ICE1: variants seen among roughly 807,000 people sequenced by gnomAD.
The protein encoded by ICE1 is interactor of little elongation complex ELL subunit 1.
In ICE1, 64 loss-of-function variants were observed where a neutral mutation model predicts 192.7. That is an observed-to-expected ratio of 0.33 (90% CI 0.27 to 0.41). ICE1 has a LOEUF of 0.41. Ranked by LOEUF, ICE1 falls within the 10% of genes least tolerant of loss-of-function variation. The probability of loss-of-function intolerance (pLI) is 1.00; values close to 1 mark genes in which losing one functional copy is unlikely to be tolerated. For synonymous variants in ICE1, 1,010 were observed against 984.5 expected (o/e 1.03, Z -0.49); for missense variants, 2,708 against 2,696.0 (o/e 1.00, Z -0.10).
At chr5:5,428,954 C>G (rs1737613163) in intron 1 of ICE1, among the ~76,000 whole-genome samples, 1 of 152,138 alleles carries the variant, frequency 6.6e-6, no homozygotes, top group Non-Finnish European at 1.5e-5. Flanking sequence ...GTTCAGTACT[C>G]ATAGGACTTA....
At position 5,441,241 on chromosome 5, in the gene ICE1, C is replaced by T; in HGVS notation, c.309+18C>T. 1 of 1,437,526 alleles carries T rather than the reference C, an allele frequency of 7.0e-7. No individual in the cohort carries two copies. The allele number at this position is 1,437,526 out of a possible 1,614,324, so 89.0% of individuals were successfully genotyped here. ...AGAAAAAGGTATGAACAATAATTTT[C>T]TGTAAAGATTTACGGTCAATAAATT... On this transcript the variant is annotated intron_variant, in intron 5 of 18. Transcript: ENST00000296564.
intron 1 of ICE1, among the ~76,000 whole-genome samples, chr5:5,425,039 CA>C: frequency 6.6e-6 from 1 of 152,308 alleles, no homozygotes; most frequent in Middle Eastern, 3.4e-3. Context: ...TTAAATTTAG[CA>C]ACTGTATTCT....
intron 7 of ICE1, 116 bp downstream of exon 7, chr5:5,444,442 C>T (rs968174191): frequency 2.9e-6 from 2 of 689,946 alleles, no homozygotes; most frequent in Non-Finnish European, 5.0e-6. Context: ...GATGGTACAT[C>T]CATGGATGAC....
At chr5:5,449,471 A>C (rs1738351253) in intron 10 of ICE1, among the ~76,000 whole-genome samples, 1 of 152,142 alleles carries the variant, frequency 6.6e-6, no homozygotes. Context: ...GAAAAAAAAA[A>C]AACAAAAACA....
In ICE1 at chr5:5,462,398, G is replaced by A; in HGVS notation, c.3064G>A (p.Gly1022Arg). The A allele has an allele frequency of 6.2e-7, 1 of 1,614,004 alleles. No individual in the cohort carries two copies. The highest frequency in any genetic ancestry group is 8.5e-7 in the Non-Finnish European group (1 of 1,179,890). Residue 1022 changes from glycine (G) to arginine (R), a missense_variant, in exon 13 of 19, where the codon GGA becomes AGA. By Grantham distance (125) the Gly-to-Arg change is moderately radical. Around this residue, in one of 2 missense-constraint regions of ICE1, gnomAD observed 2,366 missense variants for 2,276.6 expected, o/e 1.04. Coordinates refer to ENST00000296564, the MANE Select transcript of ICE1 (RefSeq NM_015325.3). Reference protein sequence around the residue: ...GGFSVEETSCGDTGRSGGEAL... With the variant: ...GGFSVEETSCRDTGRSGGEAL... Reference sequence around the variant, plus strand: ...GTTTTCTGTTGAAGAAACCAGCTGTGGAGACACAGGGAGATCTGGTGGTGA... The same window carrying A: ...GTTTTCTGTTGAAGAAACCAGCTGTAGAGACACAGGGAGATCTGGTGGTGA...
chr5:5,430,172 G>C (rs768460343), intron 1 of ICE1, among the ~76,000 whole-genome samples: 26 of 152,200 alleles, frequency 1.7e-4, no homozygotes, highest in Non-Finnish European at 3.2e-4. Flanking sequence ...GTGCAGGAAT[G>C]AATGTGGGTC....
intron 10 of ICE1, among the ~76,000 whole-genome samples, chr5:5,453,825 G>T (rs1229826281): frequency 6.6e-6 from 1 of 152,110 alleles, no homozygotes; most frequent in Non-Finnish European, 1.5e-5. Flanking sequence ...CTTAGTTACA[G>T]CATCCCTTGG....
At chr5:5,424,231 A>T (rs1026801719) in intron 1 of ICE1, among the ~76,000 whole-genome samples, 1 of 152,164 alleles carries the variant, frequency 6.6e-6, no homozygotes. Context: ...TTTGCATTTT[A>T]AGTGCAATAT....
chr5:5,463,618 TG>T lies in ICE1; in HGVS notation c.4286del (p.Gly1429ValfsTer2). 6.2e-7 allele frequency: 1 copy of T among 1,613,950 alleles called. No individual in the cohort carries two copies. The highest frequency in any genetic ancestry group is 8.5e-7 in the Non-Finnish European group (1 of 1,179,852). The stretch of plus-strand genomic sequence containing the variant: ...AGGGGGACAACTGGACAATCATCAG[TG>T]GTGTAGCTGTCTTGCCACATGTGGA... ...EKGDNWTIIS[G>X]VAVLPHVDQV... On this transcript the variant is annotated frameshift_variant, in exon 13 of 19. Transcript: ENST00000296564. LOFTEE classifies it high-confidence loss of function.
chr5:5,441,807 C>A (rs1054581206), intron 5 of ICE1, among the ~76,000 whole-genome samples: 2 of 152,064 alleles, frequency 1.3e-5, no homozygotes, highest in Non-Finnish European at 2.9e-5. Context: ...TTGTTTGATC[C>A]CTTTTTAAAA....
intron 1 of ICE1, among the ~76,000 whole-genome samples, chr5:5,424,441 A>AT (rs1360119379): frequency 6.7e-6 from 1 of 149,808 alleles, no homozygotes; most frequent in Non-Finnish European, 1.5e-5. Flanking sequence ...AATACATTGT[A>AT]TTTATTATTC....
At chr5:5,472,344 A>T (rs1739186570) in intron 15 of ICE1, among the ~76,000 whole-genome samples, 2 of 152,284 alleles carry the variant, frequency 1.3e-5, no homozygotes, top group South Asian at 2.1e-4. Flanking sequence ...TCTAATACCA[A>T]ATACTTCAAT....
Position 5,482,810 on chromosome 5 carries a change from A to ACACT in ICE1, c.6521-3910_6521-3909insACTC, listed in dbSNP as rs1214221538. On this transcript the variant is annotated intron_variant, in intron 17 of 18. Coordinates refer to ENST00000296564, the MANE Select transcript of ICE1 (RefSeq NM_015325.3). ...CACACACACACACACACACACACAC[A>ACACT]CTCATCTGGATGAGAGTTTGAATTG... Among the ~76,000 whole-genome samples the ACACT allele has an allele frequency of 2.7e-5, 4 of 145,624 alleles. No homozygotes were observed. In the East Asian group the frequency reaches 6.6e-4, roughly 24 times the overall value.
At chr5:5,434,955 G>A (rs1433761524) in intron 1 of ICE1, among the ~76,000 whole-genome samples, 2 of 152,254 alleles carry the variant, frequency 1.3e-5, no homozygotes, top group African/African-American at 4.8e-5. Flanking sequence ...TGAATTGACA[G>A]TTTATATCCT....
rs1285904052 is a variant in ICE1, at chr5:5,463,117, G to C, written c.3783G>C (p.Glu1261Asp). The change falls in exon 13 of 19, where the codon GAG becomes GAC. Residue 1261 changes from glutamate to aspartate, a missense_variant. Coordinates refer to ENST00000296564, the MANE Select transcript of ICE1 (RefSeq NM_015325.3). ...LTQCSLETLS[E>D]VLTKIRQELQ... Reference sequence around the variant, plus strand: ...AGTGTTCTTTGGAAACTCTGTCTGAGGTTCTGACCAAGATTAGGCAAGAAC... The same window carrying C: ...AGTGTTCTTTGGAAACTCTGTCTGACGTTCTGACCAAGATTAGGCAAGAAC... 6.2e-7 allele frequency: 1 copy of C among 1,613,150 alleles called. No homozygotes were observed. The highest frequency in any genetic ancestry group is 8.5e-7 in the Non-Finnish European group (1 of 1,179,576).
intron 6 of ICE1, among the ~76,000 whole-genome samples, chr5:5,443,794 T>C (rs988914131): frequency 6.6e-6 from 1 of 152,208 alleles, no homozygotes; most frequent in Non-Finnish European, 1.5e-5. Context: ...AACAGTTGAA[T>C]GTAGATGTAA....
chr5:5,460,949 C>T lies in ICE1; in HGVS notation c.1615C>T (p.Pro539Ser), dbSNP rs1354532270. The T allele has an allele frequency of 6.2e-7, 1 of 1,613,990 alleles. No individual in the cohort carries two copies. The stretch of plus-strand genomic sequence containing the variant: ...GTGTTCTTCTCCCCTTGGCAAAAGG[C>T]CATTAAATGAACTCATGGAATCTGA... ...ELCSSPLGKR[P>S]LNELMESEGK... The change falls in exon 13 of 19, where the codon CCA (proline) becomes TCA (serine). Residue 539 changes from proline (P) to serine (S), a missense_variant. Pro to Ser is a moderately conservative substitution (Grantham distance 74). Transcript: ENST00000296564.
rs145562554 is a variant in ICE1, at chr5:5,430,159, C to A, written c.85-6259C>A. Among the ~76,000 whole-genome samples the A allele has an allele frequency of 5.4e-3, 828 of 152,248 alleles. 9 individuals are homozygous for A. The highest frequency in any genetic ancestry group is 0.019 in the African/African-American group (797 of 41,528). The stretch of plus-strand genomic sequence containing the variant: ...CCTCACTTCTTCCATAGCAGCTGGA[C>A]CTGTGCAGGAATGAATGTGGGTCAG... On this transcript the variant is annotated intron_variant, in intron 1 of 18. Coordinates refer to ENST00000296564, the MANE Select transcript of ICE1 (RefSeq NM_015325.3).
intron 12 of ICE1, among the ~76,000 whole-genome samples, chr5:5,459,077 G>A (rs1377599673): frequency 1.3e-5 from 2 of 152,116 alleles, no homozygotes; most frequent in Non-Finnish European, 2.9e-5. Flanking sequence ...GTTTCACCGT[G>A]TTAGCCAGGA....
Sources: gnomAD v4.1 joint callset for allele counts (sites outside exome capture counted in the v4.1 genomes callset) on GRCh38, gnomAD v4.1.1 for gene constraint, gnomAD v4.1.1 regional missense constraint, MANE v1.5 for transcripts, NCBI Gene and HGNC (gene_info 2026-07-23, HGNC 2026-07-21) for gene names.